ADCY8: variants seen among roughly 807,000 people sequenced by gnomAD.
ADCY8 encodes adenylate cyclase type 8.
A neutral mutation model predicts 119.7 loss-of-function variants in ADCY8; 51 were observed. The ratio of observed to expected loss-of-function variants is 0.43; its 90% confidence interval spans 0.34 to 0.54. The LOEUF (loss-of-function observed/expected upper bound fraction) is 0.54. Ranked by LOEUF, ADCY8 falls within the 20% of genes least tolerant of loss-of-function variation. ADCY8 has a pLI of 0.03. For synonymous variants in ADCY8, 665 were observed against 651.0 expected, an observed-to-expected ratio of 1.02 and a Z score of -0.33; for missense variants, 1,383 against 1,598.8, an observed-to-expected ratio of 0.87 and a Z score of 2.30.
intron 1 of ADCY8, among the ~76,000 whole-genome samples, chr8:130,995,046 G>A (rs975115205): frequency 6.6e-6 from 1 of 152,058 alleles, no homozygotes; most frequent in Non-Finnish European, 1.5e-5. Context: ...CTAGGTTGTG[G>A]GGAAAATAGT....
chr8:131,031,228 A>T (rs547243745), intron 1 of ADCY8, among the ~76,000 whole-genome samples: 18 of 152,324 alleles, frequency 1.2e-4, no homozygotes, highest in African/African-American at 3.6e-4. Context: ...GCCCAATGGC[A>T]AGGAGCTCAT....
chr8:130,855,269 C>T (rs534986462), intron 9 of ADCY8, among the ~76,000 whole-genome samples: 2 of 152,128 alleles, frequency 1.3e-5, no homozygotes, highest in East Asian at 3.9e-4. Context: ...AGTTTCAAAG[C>T]ATCAAACAGA....
At chr8:130,891,821 A>T (rs1331302293) in intron 7 of ADCY8, among the ~76,000 whole-genome samples, 1 of 152,038 alleles carries the variant, frequency 6.6e-6, no homozygotes, top group African/African-American at 2.4e-5. Context: ...TTCTTATGGG[A>T]GTGGAGGTGC....
intron 5 of ADCY8, 95 bp from the exon 6 acceptor site, chr8:130,909,961 G>A (rs1320817065): frequency 2.7e-5 from 32 of 1,204,216 alleles, no homozygotes; most frequent in Middle Eastern, 5.2e-4. Context: ...TTTTTGAGAC[G>A]GAGTTTTGCT....
intron 1 of ADCY8, among the ~76,000 whole-genome samples, chr8:131,023,384 A>T (rs1168969678): frequency 6.6e-6 from 1 of 152,082 alleles, no homozygotes; most frequent in Non-Finnish European, 1.5e-5. Flanking sequence ...AAGACCTAGG[A>T]GTGGGTTTAT....
At chr8:130,873,019 C>T (rs947143365) in intron 8 of ADCY8, among the ~76,000 whole-genome samples, 5 of 152,246 alleles carry the variant, frequency 3.3e-5, no homozygotes, top group Admixed American at 2.0e-4. Flanking sequence ...GCTGAGAAAC[C>T]CCAGTCTGAT....
intron 2 of ADCY8, among the ~76,000 whole-genome samples, chr8:130,953,413 C>T (rs1159183088): frequency 6.6e-6 from 1 of 152,170 alleles, no homozygotes; most frequent in African/African-American, 2.4e-5. Context: ...TGACAATCAG[C>T]TTGCAGAAAT....
At chr8:130,955,229 T>G (rs964613641) in intron 2 of ADCY8, among the ~76,000 whole-genome samples, 1 of 152,198 alleles carries the variant, frequency 6.6e-6, no homozygotes. Context: ...GGCCAGGGAC[T>G]GAGTTAAGAG....
chr8:130,783,572 G>T, intron 17 of ADCY8, 119 bp downstream of exon 17: 1 of 655,246 alleles, frequency 1.5e-6, no homozygotes, highest in Non-Finnish European at 2.7e-6. Context: ...GCAGGGTCAT[G>T]CTAGATCTAT....
At chr8:130,990,902 G>A (rs563094846) in intron 1 of ADCY8, 1 of 163,994 alleles carries the variant, frequency 6.1e-6, no homozygotes, top group South Asian at 1.9e-4. Context: ...GGAGAATCTG[G>A]TGGGAATAAA....
At chr8:130,802,187 C>G (rs1674928280) in intron 14 of ADCY8, among the ~76,000 whole-genome samples, 1 of 152,142 alleles carries the variant, frequency 6.6e-6, no homozygotes, top group African/African-American at 2.4e-5. Flanking sequence ...GCATTGCTCT[C>G]TAATTCACTT....
At chr8:130,856,199 C>T (rs1322900368) in intron 9 of ADCY8, among the ~76,000 whole-genome samples, 1 of 152,044 alleles carries the variant, frequency 6.6e-6, no homozygotes, top group African/African-American at 2.4e-5. Flanking sequence ...AACTCCCACA[C>T]ATCGAATCCC....
chr8:130,899,859 A>G (rs1819537956), intron 7 of ADCY8, among the ~76,000 whole-genome samples: 1 of 152,206 alleles, frequency 6.6e-6, no homozygotes. Flanking sequence ...TTCAATGTCC[A>G]TGTTGATAAC....
chr8:130,821,442 T>C (rs1212415658), intron 12 of ADCY8, 22 bp from the exon 13 acceptor site: 2 of 1,589,204 alleles, frequency 1.3e-6, no homozygotes, highest in Non-Finnish European at 1.7e-6. Context: ...AAAAAGGAAC[T>C]GATAACCATG....
chr8:130,951,873 G>C lies in ADCY8; in HGVS notation c.1236C>G (p.Asn412Lys). 6.2e-7 allele frequency: 1 copy of C among 1,613,970 alleles called. No individual in the cohort carries two copies. The highest frequency in any genetic ancestry group is 1.1e-5 in the South Asian group (1 of 91,074). Residue 412 changes from asparagine (N) to lysine (K), a missense_variant, in exon 3 of 18, where the codon AAC becomes AAG. Coordinates refer to ENST00000286355, the MANE Select transcript of ADCY8 (RefSeq NM_001115.3). ...FHRIYIHRYE[N>K]VSILFADVKG... ...AAGGGTGTTGTGTTTCTCACCTGAC[G>C]TTCTCATAGCGATGGATGTAGATCC... is the stretch of plus-strand genomic sequence containing the variant.
chr8:130,787,614 T>C (rs1456925571), intron 15 of ADCY8, among the ~76,000 whole-genome samples: 2 of 152,156 alleles, frequency 1.3e-5, no homozygotes, highest in Admixed American at 1.3e-4. Context: ...ACATGTGTAG[T>C]GATGTGTGTA....
chr8:130,884,699 C>G lies in ADCY8; in HGVS notation c.1974G>C (p.Leu658Phe), dbSNP rs759408451. 1.2e-6 allele frequency: 2 copies of G among 1,613,888 alleles called. No homozygotes were observed. Among genetic ancestry groups the G allele is most frequent in the Non-Finnish European group, 1.7e-6 (2 of 1,179,824 alleles). Residue 658 changes from leucine to phenylalanine, a missense_variant, in exon 8 of 18, where the codon TTG (leucine) becomes TTC (phenylalanine). Leu to Phe is a conservative substitution (Grantham distance 22). This residue lies in a region of ADCY8 where 928 missense variants were observed against 1,163.5 expected (regional missense o/e 0.80). Transcript: ENST00000286355. ...NLLPNHLAQA[L>F]HVQSGPEEIN... Reference sequence around the variant, plus strand: ...TTTCCTCAGGCCCAGACTGGACATGCAAAGCTTGTGCAAGATGGTTTGGAA... The same window carrying G: ...TTTCCTCAGGCCCAGACTGGACATGGAAAGCTTGTGCAAGATGGTTTGGAA...
chr8:131,013,092 T>C (rs922144541), intron 1 of ADCY8, among the ~76,000 whole-genome samples: 1 of 152,172 alleles, frequency 6.6e-6, no homozygotes, highest in African/African-American at 2.4e-5. Context: ...ATATATAATT[T>C]CCTCCCTCAT....
rs187672449 is a variant in ADCY8 at position 130,917,524 on chromosome 8, G to T, written c.1482-7658C>A. Among the ~76,000 whole-genome samples, 22 of 152,326 alleles carry T rather than the reference G, an allele frequency of 1.4e-4. No individual in the cohort carries two copies. In the East Asian group the frequency reaches 3.1e-3, roughly 21 times the overall value. ...TTCAAAAGCAGGGTGGATCTAGGGA[G>T]AGAAAAGTGAGAGCAATGGTGTTCT... On this transcript the variant is annotated intron_variant, in intron 5 of 17. Coordinates refer to ENST00000286355, the MANE Select transcript of ADCY8 (RefSeq NM_001115.3).
Sources: gnomAD v4.1 joint callset for allele counts (sites outside exome capture counted in the v4.1 genomes callset) on GRCh38, gnomAD v4.1.1 for gene constraint, gnomAD v4.1.1 regional missense constraint, MANE v1.5 for transcripts, NCBI Gene and HGNC (gene_info 2026-07-23, HGNC 2026-07-21) for gene names.